Variants in EFCAB3 observed in about 807,000 individuals in gnomAD.
The protein encoded by EFCAB3 is EF-hand calcium-binding domain-containing protein 3.
EFCAB3 carries 36 observed loss-of-function variants against 42.2 expected under a neutral mutation model. The observed-to-expected ratio is 0.85, with a 90% CI of 0.65 to 1.13. The LOEUF is 1.13. Ranked by LOEUF, EFCAB3 falls within the 50% of genes most tolerant of loss-of-function variation. The pLI is 0.00. For synonymous variants in EFCAB3, 170 were observed against 172.8 expected, an observed-to-expected ratio of 0.98 and a Z score of 0.13; for missense variants, 418 against 505.1, an observed-to-expected ratio of 0.83 and a Z score of 1.65.
intron 8 of EFCAB3, among the ~76,000 whole-genome samples, chr17:62,412,377 A>C (rs1030163663): frequency 6.6e-6 from 1 of 151,662 alleles, no homozygotes; most frequent in African/African-American, 2.4e-5. Context: ...AAAAAAAAAA[A>C]AAAAAGAATG....
chr17:62,400,888 T>C (rs1156680250), intron 6 of EFCAB3, among the ~76,000 whole-genome samples: 1 of 152,180 alleles, frequency 6.6e-6, no homozygotes, highest in East Asian at 1.9e-4. Flanking sequence ...TGTAAAAGTG[T>C]TCCTATTTCT....
chr17:62,413,136 C>T lies in EFCAB3; in HGVS notation c.868-596C>T, dbSNP rs559583707. Among the ~76,000 whole-genome samples the T allele has an allele frequency of 2.0e-5, 3 of 152,196 alleles. No individual in the cohort carries two copies. The East Asian group carries it at 5.8e-4, about 29-fold the overall frequency. On this transcript the variant is annotated intron_variant, in intron 8 of 9. Transcript: ENST00000305286. ...ATTTTTAAATAAAAAGATATTAATT[C>T]CACTGCTTCAAGATCAAAAATCTCC...
rs767957301 is a variant in EFCAB3 at position 62,407,038 on chromosome 17, C to T, written c.693C>T (p.Ser231=). 2.1e-5 allele frequency: 33 copies of T among 1,574,814 alleles called. No individual in the cohort carries two copies. In the African/African-American group the frequency reaches 2.2e-4, roughly 10 times the overall value. ...KFLEELKRCN[S]GSDSPYSKIP... is the part of the protein sequence containing the mutation. Reference sequence around the variant, plus strand: ...TTTTTATCTTTTTAGGATGCAATTCCGGTTCAGATAGCCCATATTCAAAAA... The same window carrying T: ...TTTTTATCTTTTTAGGATGCAATTCTGGTTCAGATAGCCCATATTCAAAAA... The change falls in exon 8 of 10, where the codon TCC becomes TCT. Residue 231 remains serine, a synonymous_variant. Coordinates refer to ENST00000305286, the MANE Select transcript of EFCAB3 (RefSeq NM_173503.4).
At chr17:62,403,638 A>G (rs892797512) in intron 6 of EFCAB3, among the ~76,000 whole-genome samples, 3 of 152,052 alleles carry the variant, frequency 2.0e-5, no homozygotes, top group Non-Finnish European at 2.9e-5. Flanking sequence ...CCAGTCTCAT[A>G]TATCTCTCTC....
intron 3 of EFCAB3, among the ~76,000 whole-genome samples, chr17:62,388,725 TGA>T (rs1362817559): frequency 6.6e-6 from 1 of 152,220 alleles, no homozygotes; most frequent in East Asian, 1.9e-4. Context: ...AACTTTCCTA[TGA>T]GAGGTTAATT....
upstream of EFCAB3, among the ~76,000 whole-genome samples, chr17:62,379,418 A>C (rs1161374128): frequency 4.0e-3 from 25 of 6,198 alleles, no homozygotes; most frequent in Admixed American, 7.0e-3. Flanking sequence ...AGACCTCACC[A>C]AAAAAAAAAA....
intron 6 of EFCAB3, among the ~76,000 whole-genome samples, chr17:62,396,469 C>T (rs1213933635): frequency 6.6e-6 from 1 of 151,912 alleles, no homozygotes; most frequent in African/African-American, 2.4e-5. Flanking sequence ...AGGAGAATAG[C>T]TTGAACCTGG....
chr17:62,399,773 C>A (rs75947428), intron 6 of EFCAB3, among the ~76,000 whole-genome samples: 1 of 152,158 alleles, frequency 6.6e-6, no homozygotes, highest in African/African-American at 2.4e-5. Flanking sequence ...TCCTACCACT[C>A]CCTGTCCCCA....
At chr17:62,391,744 AT>A in intron 3 of EFCAB3, 77 bp from the exon 4 acceptor site, 1 of 1,392,374 alleles carries the variant, frequency 7.2e-7, no homozygotes, top group Non-Finnish European at 9.7e-7. Flanking sequence ...AGTCAACTAT[AT>A]TGTCTGTCCT....
intron 6 of EFCAB3, among the ~76,000 whole-genome samples, chr17:62,396,548 C>A (rs1404136934): frequency 1.4e-5 from 2 of 147,428 alleles, no homozygotes; most frequent in Admixed American, 6.8e-5. Context: ...AGTGAGACTT[C>A]ATCTCAAAAA....
At position 62,415,750 on chromosome 17, in the gene EFCAB3, C is replaced by T. The variant is rs139877462; in HGVS notation, c.991-253C>T. Among the ~76,000 whole-genome samples the T allele has an allele frequency of 9.7e-3, 1,475 of 152,272 alleles. 11 individuals carry two copies. Among genetic ancestry groups the T allele is most frequent in the Non-Finnish European group, 0.014 (985 of 68,024 alleles). ...ATCCCTAGCCTATCTCCATACCATA[C>T]TTCAGTCTATTTTAGTCCATTGTAT... is the stretch of plus-strand genomic sequence containing the variant. On this transcript the variant is annotated intron_variant, in intron 9 of 9. Coordinates refer to ENST00000305286, the MANE Select transcript of EFCAB3 (RefSeq NM_173503.4).
intron 6 of EFCAB3, among the ~76,000 whole-genome samples, chr17:62,396,568 GAAA>G (rs940158950): frequency 7.9e-5 from 11 of 138,624 alleles, no homozygotes; most frequent in South Asian, 4.7e-4. Context: ...AAATAAAAAA[GAAA>G]AAAAAAAGAA....
chr17:62,389,633 G>A (rs994898475), intron 3 of EFCAB3, among the ~76,000 whole-genome samples: 6 of 151,986 alleles, frequency 3.9e-5, no homozygotes, highest in South Asian at 4.2e-4. Flanking sequence ...TAGAATTTCC[G>A]TAGACCCTCA....
At chr17:62,395,001 T>G in intron 5 of EFCAB3, 67 bp from the exon 6 acceptor site, 2 of 1,574,358 alleles carry the variant, frequency 1.3e-6, no homozygotes, top group Non-Finnish European at 8.7e-7. Flanking sequence ...AAATAATCAG[T>G]AAAGAGGTGG....
At chr17:62,403,405 C>T (rs972711264) in intron 6 of EFCAB3, among the ~76,000 whole-genome samples, 3 of 152,148 alleles carry the variant, frequency 2.0e-5, no homozygotes, top group Non-Finnish European at 4.4e-5. Context: ...CACTCTGTTT[C>T]CATATTTGCC....
At chr17:62,414,562 T>G (rs1051801521) in intron 9 of EFCAB3, among the ~76,000 whole-genome samples, 2 of 144,880 alleles carry the variant, frequency 1.4e-5, no homozygotes, top group Non-Finnish European at 3.0e-5. Context: ...ATTCTGTATC[T>G]CAGGTGTTTG....
chr17:62,404,323 G>A (rs1247016598), intron 6 of EFCAB3, among the ~76,000 whole-genome samples: 2 of 152,164 alleles, frequency 1.3e-5, no homozygotes, highest in Non-Finnish European at 2.9e-5. Flanking sequence ...GCAATGTAGG[G>A]AAACTCTCTA....
chr17:62,375,384 A>G (rs1357362156), intron 2 of EFCAB3, among the ~76,000 whole-genome samples: 1 of 152,206 alleles, frequency 6.6e-6, no homozygotes, highest in Non-Finnish European at 1.5e-5. Flanking sequence ...CTTTAAAATC[A>G]TACTGCCAAT....
chr17:62,371,038 G>A (rs1278228257), intron 1 of EFCAB3, among the ~76,000 whole-genome samples: 5 of 151,796 alleles, frequency 3.3e-5, no homozygotes, highest in Non-Finnish European at 5.9e-5. Context: ...ATTGCAATGA[G>A]CTATGATTGC....
Sources: allele counts gnomAD v4.1 joint callset (sites outside exome capture counted in the v4.1 genomes callset), GRCh38; gene constraint gnomAD v4.1.1; transcripts MANE v1.5; gene names NCBI Gene and HGNC (gene_info 2026-07-23, HGNC 2026-07-21).